Variants in ZNF804B observed in about 807,000 individuals in gnomAD.
ZNF804B encodes zinc finger protein 804B.
A neutral mutation model predicts 101.4 loss-of-function variants in ZNF804B; 80 were observed. That is an observed-to-expected ratio of 0.79 (90% CI 0.66 to 0.95). ZNF804B has a LOEUF of 0.95. Ranked by LOEUF, ZNF804B falls within the 40% of genes least tolerant of loss-of-function variation. The probability of loss-of-function intolerance (pLI) is 0.00; values close to 1 mark genes in which losing one functional copy is unlikely to be tolerated. For synonymous variants in ZNF804B, 622 were observed against 558.8 expected, an observed-to-expected ratio of 1.11 and a Z score of -1.59; for missense variants, 1,673 against 1,561.9, an observed-to-expected ratio of 1.07 and a Z score of -1.20.
At chr7:88,873,874 C>A (rs1791881008) in intron 1 of ZNF804B, among the ~76,000 whole-genome samples, 1 of 152,060 alleles carries the variant, frequency 6.6e-6, no homozygotes, top group African/African-American at 2.4e-5. Context: ...TTACTGTAGC[C>A]TTGTAGTATA....
intron 1 of ZNF804B, among the ~76,000 whole-genome samples, chr7:89,175,463 T>C (rs950187758): frequency 4.6e-5 from 7 of 152,082 alleles, no homozygotes; most frequent in African/African-American, 1.7e-4. Context: ...CCATGCTCTT[T>C]TGGTTGCTAT....
chr7:89,089,708 G>A (rs1200258961), intron 1 of ZNF804B, among the ~76,000 whole-genome samples: 1 of 151,918 alleles, frequency 6.6e-6, no homozygotes, highest in Admixed American at 6.6e-5. Context: ...TTATTTTTAA[G>A]TCAAAGTTAT....
At chr7:88,865,035 C>A (rs536929076) in intron 1 of ZNF804B, among the ~76,000 whole-genome samples, 1 of 151,822 alleles carries the variant, frequency 6.6e-6, no homozygotes, top group African/African-American at 2.4e-5. Flanking sequence ...TCAAGGCCAC[C>A]CAGACTAACA....
intron 1 of ZNF804B, among the ~76,000 whole-genome samples, chr7:88,941,868 T>A (rs1793059952): frequency 1.3e-5 from 2 of 151,864 alleles, no homozygotes; most frequent in African/African-American, 2.4e-5. Flanking sequence ...CATTTCTGGG[T>A]TGTCAACTTA....
At chr7:89,190,350 A>AG (rs56849954) in intron 1 of ZNF804B, among the ~76,000 whole-genome samples, 5 of 151,206 alleles carry the variant, frequency 3.3e-5, no homozygotes, top group African/African-American at 1.2e-4. Context: ...AAAAAAAAAA[A>AG]GCAAGAAAAC....
intron 1 of ZNF804B, among the ~76,000 whole-genome samples, chr7:89,151,905 T>G (rs6951398): frequency 0.17 from 26,384 of 152,006 alleles, 2,491 homozygotes; most frequent in African/African-American, 0.24. Flanking sequence ...CTAAGTGGGT[T>G]TGTTTATTGG....
chr7:89,295,567 G>T (rs546216807), intron 2 of ZNF804B, among the ~76,000 whole-genome samples: 2 of 151,866 alleles, frequency 1.3e-5, no homozygotes, highest in African/African-American at 4.8e-5. Context: ...TTTTGTGTTT[G>T]TTTTTCACAG....
At chr7:88,889,423 CTTTGCAGCCTTATCAACGTCTGTTA>C (rs1792182549) in intron 1 of ZNF804B, among the ~76,000 whole-genome samples, 1 of 152,140 alleles carries the variant, frequency 6.6e-6, no homozygotes, top group Admixed American at 6.5e-5. Context: ...ATTCCCTTTT[CTTTGCAGCCTTATCAACGTCTGTTA>C]TTTTTTGACT....
chr7:89,332,949 A>T (rs575780724), intron 3 of ZNF804B, among the ~76,000 whole-genome samples: 9 of 151,940 alleles, frequency 5.9e-5, no homozygotes, highest in East Asian at 5.8e-4. Flanking sequence ...AAGCAAATTT[A>T]AAAAAATTTT....
chr7:89,187,339 G>T (rs10085679), intron 1 of ZNF804B, among the ~76,000 whole-genome samples: 2 of 151,872 alleles, frequency 1.3e-5, no homozygotes, highest in Non-Finnish European at 2.9e-5. Context: ...CTCACCAGTC[G>T]ATTGCAAATG....
intron 1 of ZNF804B, among the ~76,000 whole-genome samples, chr7:89,155,899 T>C (rs554691447): frequency 8.6e-5 from 13 of 151,904 alleles, no homozygotes; most frequent in Non-Finnish European, 1.8e-4. Flanking sequence ...CTCTCTTTCT[T>C]CTTTCTTTCT....
chr7:88,967,818 G>T (rs554276852), intron 1 of ZNF804B, among the ~76,000 whole-genome samples: 14 of 150,474 alleles, frequency 9.3e-5, no homozygotes, highest in Admixed American at 9.3e-4. Flanking sequence ...ATCCAAAATT[G>T]TTCCTGGAGC....
intron 1 of ZNF804B, among the ~76,000 whole-genome samples, chr7:89,054,601 C>CT (rs1006135488): frequency 1.1e-4 from 17 of 151,752 alleles, no homozygotes; most frequent in Non-Finnish European, 1.6e-4. Context: ...ACTGAGTAAG[C>CT]TTTTTTTTCA....
At chr7:88,807,083 T>A (rs993915715) in intron 1 of ZNF804B, among the ~76,000 whole-genome samples, 4 of 152,222 alleles carry the variant, frequency 2.6e-5, no homozygotes, top group Admixed American at 1.3e-4. Context: ...CTTTTTTGAC[T>A]GAAGATAACT....
chr7:89,194,368 T>C (rs1788510811), intron 1 of ZNF804B, among the ~76,000 whole-genome samples: 1 of 150,668 alleles, frequency 6.6e-6, no homozygotes, highest in Admixed American at 6.6e-5. Context: ...TTTGGTGTTT[T>C]AGACATGAAG....
At chr7:89,115,931 A>T (rs1299067037) in intron 1 of ZNF804B, among the ~76,000 whole-genome samples, 1 of 150,200 alleles carries the variant, frequency 6.7e-6, no homozygotes, top group Non-Finnish European at 1.5e-5. Context: ...TTTTGACAAG[A>T]GTCTCACTCC....
rs138808778 is a variant in ZNF804B, at chr7:89,086,766, G to C, written c.109-131389G>C. Among the ~76,000 whole-genome samples the C allele has an allele frequency of 2.5e-3, 375 of 152,018 alleles. 1 individual carries two copies. Among genetic ancestry groups the C allele is most frequent in the African/African-American group, 8.1e-3 (337 of 41,530 alleles). Reference sequence around the variant, plus strand: ...TCAGAGTTTGCTAAAGTGAGATCTAGTGCATGGTTTTTATAATAAATTAAT... The same window carrying C: ...TCAGAGTTTGCTAAAGTGAGATCTACTGCATGGTTTTTATAATAAATTAAT... On this transcript the variant is annotated intron_variant, in intron 1 of 3. Transcript: ENST00000333190.
At chr7:88,776,555 G>GTTTTTTTTTTTTTTTTT (rs10630362) in intron 1 of ZNF804B, among the ~76,000 whole-genome samples, 1 of 106,456 alleles carries the variant, frequency 9.4e-6, no homozygotes, top group African/African-American at 3.3e-5. Flanking sequence ...TTCTCGTGGT[G>GTTTTTTTTTTTTTTTTT]TTTTGTTTTT....
intron 1 of ZNF804B, among the ~76,000 whole-genome samples, chr7:88,816,271 T>C (rs1230942182): frequency 2.0e-5 from 3 of 152,016 alleles, no homozygotes; most frequent in Non-Finnish European, 4.4e-5. Context: ...CCTAAAACCA[T>C]AAAAGCTGCA....
Sources: gnomAD v4.1 joint callset for allele counts (sites outside exome capture counted in the v4.1 genomes callset) on GRCh38, gnomAD v4.1.1 for gene constraint, MANE v1.5 for transcripts, NCBI Gene and HGNC (gene_info 2026-07-23, HGNC 2026-07-21) for gene names.